The following PRKX variants were observed in gnomAD, a reference collection of about 807,000 sequenced individuals.
PRKX encodes the protein cAMP-dependent protein kinase catalytic subunit PRKX.
A neutral mutation model predicts 22.0 loss-of-function variants in PRKX; 12 were observed. The ratio of observed to expected loss-of-function variants is 0.54; its 90% CI spans 0.35 to 0.88. The LOEUF is 0.88. Among genes scored for constraint, PRKX ranks in the 40% least tolerant of loss-of-function variants. The pLI is 0.01. For missense variants in PRKX, 217 were observed against 308.0 expected, an observed-to-expected ratio of 0.70 and a Z score of 2.21; for synonymous variants, 134 against 137.7, an observed-to-expected ratio of 0.97 and a Z score of 0.19.
At chrX:3,670,986 T>C (rs1927835227) in intron 2 of PRKX, among the ~76,000 whole-genome samples, 1 of 112,025 alleles carries the variant, frequency 8.9e-6, no homozygotes, top group Non-Finnish European at 1.9e-5. Context: ...GGGCCTGCCT[T>C]GTTTTCTGCA....
intron 1 of PRKX, among the ~76,000 whole-genome samples, chrX:3,702,350 G>C (rs1928595420): frequency 8.9e-6 from 1 of 112,763 alleles, no homozygotes; most frequent in Non-Finnish European, 1.9e-5. Context: ...GACTCCCAAG[G>C]GAATGATTCA....
intron 7 of PRKX, among the ~76,000 whole-genome samples, chrX:3,613,150 C>CAAAAAGAAAAAAAAAAAAA (rs1926336259): frequency 1.8e-5 from 1 of 54,319 alleles, no homozygotes; most frequent in Non-Finnish European, 3.8e-5. Context: ...GACTTCGTCT[C>CAAAAAGAAAAAAAAAAAAA]AAAAAAAAAA....
chrX:3,609,427 C>A (rs781220439), intron 8 of PRKX, among the ~76,000 whole-genome samples: 30 of 111,592 alleles, frequency 2.7e-4, no homozygotes, highest in African/African-American at 9.4e-4. Flanking sequence ...TCCCAAGGTG[C>A]TGGGATTACA....
chrX:3,669,874 G>A lies in PRKX; in HGVS notation c.335+4724C>T, dbSNP rs770228638. Among the ~76,000 whole-genome samples, 10 of 111,481 alleles carry A rather than the reference G, an allele frequency of 9.0e-5. No individual in the cohort carries two copies. In the South Asian group the frequency reaches 3.4e-3, roughly 38 times the overall value. ...TATCTATCATCTCTCTCTGTCCGTC[G>A]TCTGTCTATCACAGTGGTTCACTAG... is the stretch of plus-strand genomic sequence containing the variant. On this transcript the variant is annotated intron_variant, in intron 2 of 8. Transcript: ENST00000262848.
At chrX:3,662,694 CAA>C (rs55726241) in intron 2 of PRKX, among the ~76,000 whole-genome samples, 1 of 44,229 alleles carries the variant, frequency 2.3e-5, no homozygotes. Flanking sequence ...GACTCCATCT[CAA>C]AAAAAAAAAA....
chrX:3,642,892 G>A (rs1434388396), intron 3 of PRKX, among the ~76,000 whole-genome samples: 4 of 106,444 alleles, frequency 3.8e-5, no homozygotes, highest in East Asian at 3.0e-4. Flanking sequence ...AAGCTACTCC[G>A]GAGGCTGAGG....
At chrX:3,617,094 ATACT>A (rs1019699181) in intron 6 of PRKX, among the ~76,000 whole-genome samples, 8 of 110,394 alleles carry the variant, frequency 7.2e-5, no homozygotes, top group African/African-American at 2.6e-4. Flanking sequence ...TAATATATAC[ATACT>A]TATACACATA....
intron 4 of PRKX, among the ~76,000 whole-genome samples, chrX:3,627,393 A>T (rs1463608140): frequency 5.8e-4 from 45 of 78,108 alleles, no homozygotes; most frequent in Non-Finnish European, 2.9e-4. Context: ...AAAAAAAATT[A>T]AAAAAAAAAA....
intron 3 of PRKX, among the ~76,000 whole-genome samples, chrX:3,650,879 TA>T (rs57311083): frequency 0.022 from 1,842 of 81,922 alleles, 51 homozygotes; most frequent in African/African-American, 0.06. Context: ...ACCCTGTCTT[TA>T]AAAAAAAAAA....
At chrX:3,690,849 G>C (rs6655029) in intron 1 of PRKX, among the ~76,000 whole-genome samples, 1,390 of 112,059 alleles carry the variant, frequency 0.012, 24 homozygotes, top group African/African-American at 0.043. Context: ...CGTGATTTCT[G>C]GCTCAGTGTA....
At chrX:3,655,650 G>A (rs1238149387) in intron 2 of PRKX, among the ~76,000 whole-genome samples, 3 of 112,632 alleles carry the variant, frequency 2.7e-5, no homozygotes, top group Non-Finnish European at 5.6e-5. Flanking sequence ...CAGATGTTAC[G>A]ATGTGCTTAG....
At chrX:3,675,043 G>A (rs929187205) in intron 1 of PRKX, among the ~76,000 whole-genome samples, 1 of 111,786 alleles carries the variant, frequency 8.9e-6, no homozygotes, top group Admixed American at 9.5e-5. Flanking sequence ...TCCTCAATTT[G>A]GGGACAAACT....
chrX:3,705,634 C>T (rs968556192), intron 1 of PRKX, among the ~76,000 whole-genome samples: 2 of 110,687 alleles, frequency 1.8e-5, no homozygotes, highest in African/African-American at 6.7e-5. Context: ...GCACTTTCAG[C>T]TTTTTGGAAG....
chrX:3,673,044 C>T (rs113783256), intron 2 of PRKX, among the ~76,000 whole-genome samples: 10 of 111,061 alleles, frequency 9.0e-5, no homozygotes, highest in South Asian at 3.9e-4. Context: ...GGAGCCACCG[C>T]GCCCATCCTC....
Position 3,613,717 on chromosome X carries a change from C to T in PRKX, c.952-1392G>A, listed in dbSNP as rs184187467. Among the ~76,000 whole-genome samples the T allele has an allele frequency of 7.5e-3, 793 of 106,133 alleles. 8 individuals carry two copies. The highest frequency in any genetic ancestry group is 0.026 in the African/African-American group (747 of 29,255). 92.2% of individuals were successfully genotyped at this position (106,133 alleles called of 115,157 possible). On this transcript the variant is annotated intron_variant, in intron 7 of 8. Transcript: ENST00000262848. ...CAAAAAAATTAGCTGGATGTGGTGGCGCACACCTGTAATCCCAGCTACTTG... is the reference window on the plus strand; with the variant it reads ...CAAAAAAATTAGCTGGATGTGGTGGTGCACACCTGTAATCCCAGCTACTTG...
intron 1 of PRKX, among the ~76,000 whole-genome samples, chrX:3,683,538 G>T (rs914386187): frequency 2.8e-4 from 31 of 111,668 alleles, no homozygotes; most frequent in African/African-American, 9.4e-4. Flanking sequence ...GAAAAACCAA[G>T]TTCAAATTGT....
chrX:3,686,117 A>G (rs1928173672), intron 1 of PRKX, among the ~76,000 whole-genome samples: 1 of 111,732 alleles, frequency 8.9e-6, no homozygotes, highest in African/African-American at 3.3e-5. Flanking sequence ...TCTGCGTGGC[A>G]CTGAATGTAG....
At chrX:3,680,733 A>G (rs1426772338) in intron 1 of PRKX, among the ~76,000 whole-genome samples, 3 of 111,662 alleles carry the variant, frequency 2.7e-5, no homozygotes, top group African/African-American at 6.5e-5. Flanking sequence ...GTTAGTGAAG[A>G]CTCACAACTG....
intron 1 of PRKX, among the ~76,000 whole-genome samples, chrX:3,677,688 A>G (rs1344493061): frequency 8.9e-6 from 1 of 111,886 alleles, no homozygotes; most frequent in Non-Finnish European, 1.9e-5. Context: ...ATGTTGTAAA[A>G]TATCTAAGCT....
Sources: gnomAD v4.1 joint callset for allele counts (sites outside exome capture counted in the v4.1 genomes callset) on GRCh38, gnomAD v4.1.1 for gene constraint, MANE v1.5 for transcripts, NCBI Gene and HGNC (gene_info 2026-07-23, HGNC 2026-07-21) for gene names.